Variants in SUCO observed in about 807,000 individuals in gnomAD.
The protein encoded by SUCO is SUN domain containing ossification factor.
SUCO carries 57 observed loss-of-function variants against 148.1 expected under a neutral mutation model. The ratio of observed to expected loss-of-function variants is 0.38; its 90% CI spans 0.31 to 0.48. SUCO has a LOEUF of 0.48. Among genes scored for constraint, SUCO ranks in the 20% least tolerant of loss-of-function variants. The pLI is 0.96. For synonymous variants in SUCO, 470 were observed against 502.7 expected, an observed-to-expected ratio of 0.93 and a Z score of 0.87; for missense variants, 1,331 against 1,468.2, an observed-to-expected ratio of 0.91 and a Z score of 1.53.
chr1:172,581,924 A>C (rs1055389160), intron 15 of SUCO, among the ~76,000 whole-genome samples: 4 of 152,236 alleles, frequency 2.6e-5, no homozygotes, highest in African/African-American at 7.2e-5. Context: ...ACTACTAAAA[A>C]GGGAGAAGCT....
chr1:172,533,342 C>G lies in SUCO; in HGVS notation c.-94C>G, dbSNP rs977688919. Reference sequence around the variant, plus strand: ...CCCTTAGGACTATCGGTCACATTCTCGCGCTCCTGCTCCGGCTCCTCCATC... The same window carrying G: ...CCCTTAGGACTATCGGTCACATTCTGGCGCTCCTGCTCCGGCTCCTCCATC... On this transcript the variant is annotated 5_prime_UTR_variant, in exon 1 of 24. Transcript: ENST00000263688. 5.2e-6 allele frequency: 8 copies of G among 1,551,422 alleles called. No individual in the cohort carries two copies. Among genetic ancestry groups the G allele is most frequent in the Non-Finnish European group, 7.0e-6 (8 of 1,146,948 alleles).
intron 1 of SUCO, chr1:172,543,026 G>A: frequency 1.0e-6 from 1 of 983,762 alleles, no homozygotes; most frequent in African/African-American, 1.7e-5. Context: ...GCCAGGAGAT[G>A]TAGAAGAGTA....
chr1:172,579,789 A>T (rs1016193174), intron 15 of SUCO, among the ~76,000 whole-genome samples: 1 of 152,102 alleles, frequency 6.6e-6, no homozygotes, highest in African/African-American at 2.4e-5. Flanking sequence ...CTCACTAAGG[A>T]GACTACTAGA....
chr1:172,610,105 G>T lies in SUCO; in HGVS notation c.3611G>T (p.Arg1204Leu). 1 of 1,613,696 alleles carries T rather than the reference G, an allele frequency of 6.2e-7. No individual in the cohort carries two copies. Among genetic ancestry groups the T allele is most frequent in the East Asian group, 2.2e-5 (1 of 44,854 alleles). The change falls in exon 24 of 24, where the codon CGA (arginine) becomes CTA (leucine). Residue 1204 changes from arginine (R) to leucine (L), a missense_variant. Coordinates refer to ENST00000263688, the MANE Select transcript of SUCO (RefSeq NM_014283.5). ...KTKTEKRALK[R>L]RRSKVQDQGK... is the part of the protein sequence containing the mutation. Reference sequence around the variant, plus strand: ...AAAACTGAGAAGAGGGCTTTAAAACGAAGACGATCTAAAGTCCAAGACCAA... The same window carrying T: ...AAAACTGAGAAGAGGGCTTTAAAACTAAGACGATCTAAAGTCCAAGACCAA...
chr1:172,550,688 A>G lies in SUCO; in HGVS notation c.63-824A>G, dbSNP rs1653226028. 1.9e-5 allele frequency: 3 copies of G among 157,196 alleles called. No homozygotes were observed. In the Admixed American group the frequency reaches 2.0e-4, roughly 10 times the overall value. 9.7% of individuals were successfully genotyped at this position (157,196 alleles called of 1,614,324 possible). A position where few individuals can be genotyped will look rare whatever the true frequency, so the allele number is the denominator to read the frequency against. The stretch of plus-strand genomic sequence containing the variant: ...AGGTGTCTTTTTAGGTTTCCTCACT[A>G]AATATAATACTGACTTTTAGTTTTA... On this transcript the variant is annotated intron_variant, in intron 1 of 23. Coordinates refer to ENST00000263688, the MANE Select transcript of SUCO (RefSeq NM_014283.5).
chr1:172,576,554 A>G (rs1167652080), intron 11 of SUCO, among the ~76,000 whole-genome samples: 2 of 151,868 alleles, frequency 1.3e-5, no homozygotes, highest in Middle Eastern at 3.4e-3. Flanking sequence ...AATTCCTTCT[A>G]AAATGAGTAC....
intron 1 of SUCO, among the ~76,000 whole-genome samples, chr1:172,548,176 A>G (rs188605133): frequency 2.6e-5 from 4 of 152,008 alleles, no homozygotes; most frequent in African/African-American, 7.2e-5. Flanking sequence ...CAGTTTTGCA[A>G]TGTTTCTAGA....
chr1:172,570,165 A>C lies in SUCO; in HGVS notation c.975A>C (p.Glu325Asp). 1 of 1,571,816 alleles carries C rather than the reference A, an allele frequency of 6.4e-7. No homozygotes were observed. Among genetic ancestry groups the C allele is most frequent in the Non-Finnish European group, 8.6e-7 (1 of 1,158,262 alleles). Residue 325 changes from glutamate to aspartate, a missense_variant, in exon 8 of 24, where the codon GAA becomes GAC. This residue lies in a region of SUCO where 992 missense variants were observed against 1,093.5 expected (regional missense o/e 0.91). Coordinates refer to ENST00000263688, the MANE Select transcript of SUCO (RefSeq NM_014283.5). ...CCAAAATTCTAGCAGCTAATCCAGAAGCCAAGGTAGGTGTTTAAATATAAA... is the reference window on the plus strand; with the variant it reads ...CCAAAATTCTAGCAGCTAATCCAGACGCCAAGGTAGGTGTTTAAATATAAA... ...CGAKILAANP[E>D]AKSTSAILIE...
In SUCO at chr1:172,602,154, T is replaced by A; in HGVS notation, c.3109T>A (p.Ser1037Thr). Residue 1037 changes from serine to threonine, a missense_variant, in exon 21 of 24, where the codon TCT becomes ACT. By Grantham distance (58) the Ser-to-Thr change is moderately conservative. Coordinates refer to ENST00000263688, the MANE Select transcript of SUCO (RefSeq NM_014283.5). ...MLCMQRCRNT[S>T]QFDGDYISKL... ...TTGTATGCAGCGTTGTCGAAATACT[T>A]CTCAATTTGATGGAGATTATATTTC... 1 of 1,613,792 alleles carries A rather than the reference T, an allele frequency of 6.2e-7. No individual in the cohort carries two copies. Among genetic ancestry groups the A allele is most frequent in the Non-Finnish European group, 8.5e-7 (1 of 1,179,834 alleles).
Position 172,600,036 on chromosome 1 carries a change from C to CA in SUCO, c.2914-19dup, listed in dbSNP as rs767543100. On this transcript the variant is annotated intron_variant, in intron 19 of 23. Transcript: ENST00000263688. ...ATGTTAATAGTTTGTAGTTAATATT[C>CA]AAAAAAAAATAAATTCCTTTATCAT... is the stretch of plus-strand genomic sequence containing the variant. 981 of 1,418,122 alleles carry CA rather than the reference C, an allele frequency of 6.9e-4. 1 individual carries two copies. Among genetic ancestry groups the CA allele is most frequent in the East Asian group, 1.2e-3 (46 of 39,988 alleles). The allele number at this position is 1,418,122 out of a possible 1,614,324, so 87.8% of individuals were successfully genotyped here.
At position 172,602,047 on chromosome 1, in the gene SUCO, C is replaced by A. The variant is rs1397561111; in HGVS notation, c.3019-17C>A. On this transcript the variant is annotated splice_polypyrimidine_tract_variant and intron_variant, in intron 20 of 23. Transcript: ENST00000263688. The stretch of plus-strand genomic sequence containing the variant: ...ATGATTTCCTATGATTATTATTTAA[C>A]CCTCTTCTCATCTCAGGTTTCAGAT... The A allele has an allele frequency of 1.3e-6, 2 of 1,592,416 alleles. No homozygotes were observed. Among genetic ancestry groups the A allele is most frequent in the South Asian group, 1.2e-5 (1 of 86,440 alleles).
At position 172,570,127 on chromosome 1, in the gene SUCO, G is replaced by C; in HGVS notation, c.937G>C (p.Val313Leu). The C allele has an allele frequency of 6.3e-7, 1 of 1,590,010 alleles. No individual in the cohort carries two copies. The highest frequency in any genetic ancestry group is 8.6e-7 in the Non-Finnish European group (1 of 1,166,646). Residue 313 changes from valine (V) to leucine (L), a missense_variant, in exon 8 of 24, where the codon GTA (valine) becomes CTA (leucine). Val to Leu is a conservative substitution (Grantham distance 32). Coordinates refer to ENST00000263688, the MANE Select transcript of SUCO (RefSeq NM_014283.5). ...GAAAAATCGAAATAATTATGCCTCA[G>C]TAGAATGTGGTGCCAAAATTCTAGC... ...VQKNRNNYAS[V>L]ECGAKILAAN...
At chr1:172,603,659 G>A (rs1283714913) in intron 22 of SUCO, among the ~76,000 whole-genome samples, 2 of 151,794 alleles carry the variant, frequency 1.3e-5, no homozygotes, top group African/African-American at 2.4e-5. Context: ...ATAATTATGT[G>A]TAAAACGTAA....
rs762626131 is a variant in SUCO at position 172,555,898 on chromosome 1, G to C, written c.318G>C (p.Pro106=). The C allele has an allele frequency of 4.4e-6, 7 of 1,608,806 alleles. No homozygotes were observed. In the East Asian group the frequency reaches 1.6e-4, roughly 36 times the overall value. The change falls in exon 4 of 24, where the codon CCG becomes CCC. Residue 106 remains proline, a synonymous_variant. Coordinates refer to ENST00000263688, the MANE Select transcript of SUCO (RefSeq NM_014283.5). ...CAGAGTCAAAAAAGTTAAGTCCACCGGTGGTGGAGACACTCCCTACAGTTG... is the reference window on the plus strand; with the variant it reads ...CAGAGTCAAAAAAGTTAAGTCCACCCGTGGTGGAGACACTCCCTACAGTTG... ...QNTESKKLSP[P]VVETLPTVDL...
chr1:172,567,941 G>C (rs535915952), intron 6 of SUCO, among the ~76,000 whole-genome samples: 1 of 152,162 alleles, frequency 6.6e-6, no homozygotes, highest in Admixed American at 6.5e-5. Context: ...GGAACCAGGC[G>C]CACGACAGGT....
chr1:172,582,369 A>G, intron 15 of SUCO, among the ~76,000 whole-genome samples: 1 of 152,160 alleles, frequency 6.6e-6, no homozygotes, highest in East Asian at 1.9e-4. Context: ...CTTCAACTTC[A>G]GCAGCCTGGA....
At chr1:172,568,388 A>G (rs1654709535) in intron 6 of SUCO, 2 of 957,142 alleles carry the variant, frequency 2.1e-6, no homozygotes, top group South Asian at 9.6e-5. Flanking sequence ...TGTATTGCAG[A>G]TACTTCTCTC....
At chr1:172,532,647 C>G (rs1422756056), upstream of SUCO, 2 of 1,613,938 alleles carry the variant, frequency 1.2e-6, no homozygotes, top group Non-Finnish European at 8.5e-7. Context: ...AGTTCCAAAG[C>G]TGATCAGTCT....
rs774745306 is a variant in SUCO at position 172,602,023 on chromosome 1, T to G, written c.3019-41T>G. On this transcript the variant is annotated intron_variant, in intron 20 of 23. Coordinates refer to ENST00000263688, the MANE Select transcript of SUCO (RefSeq NM_014283.5). ...AGATACCCTTATATTTTTCCTAATATGATTTCCTATGATTATTATTTAACC... is the reference window on the plus strand; with the variant it reads ...AGATACCCTTATATTTTTCCTAATAGGATTTCCTATGATTATTATTTAACC... 11 of 1,532,002 alleles carry G rather than the reference T, an allele frequency of 7.2e-6. No homozygotes were observed. In the South Asian group the frequency reaches 1.0e-4, roughly 14 times the overall value. The allele number at this position is 1,532,002 out of a possible 1,614,324, so 94.9% of individuals were successfully genotyped here. A position where few individuals can be genotyped will look rare whatever the true frequency, so the allele number is the denominator to read the frequency against.
Sources: allele counts gnomAD v4.1 joint callset (sites outside exome capture counted in the v4.1 genomes callset), GRCh38; gene constraint gnomAD v4.1.1; regional missense constraint gnomAD v4.1.1; transcripts MANE v1.5; gene names NCBI Gene and HGNC (gene_info 2026-07-23, HGNC 2026-07-21).